Variants in PCDH9 observed in about 807,000 individuals in gnomAD.
The protein encoded by PCDH9 is protocadherin 9.
PCDH9 carries 24 observed loss-of-function variants against 70.6 expected under a neutral mutation model. The observed-to-expected ratio is 0.34, with a 90% CI of 0.25 to 0.48. The LOEUF is 0.48. PCDH9 is among the 20% of genes least tolerant of loss of function. The pLI is 0.99. For missense variants in PCDH9, 1,281 were observed against 1,503.6 expected, an observed-to-expected ratio of 0.85 and a Z score of 2.45; for synonymous variants, 562 against 558.5, an observed-to-expected ratio of 1.01 and a Z score of -0.09.
intron 3 of PCDH9, among the ~76,000 whole-genome samples, chr13:66,714,063 C>T (rs532517494): frequency 6.6e-6 from 1 of 151,970 alleles, no homozygotes; most frequent in Non-Finnish European, 1.5e-5. Context: ...AAGGCTATTG[C>T]AGGATACTAG....
chr13:67,164,615 A>G (rs550859648), intron 2 of PCDH9, among the ~76,000 whole-genome samples: 36 of 151,620 alleles, frequency 2.4e-4, no homozygotes, highest in African/African-American at 7.5e-4. Flanking sequence ...AGACTATAAC[A>G]TTTGACTCCA....
chr13:66,957,443 T>C (rs1368528804), intron 2 of PCDH9, among the ~76,000 whole-genome samples: 1 of 152,160 alleles, frequency 6.6e-6, no homozygotes, highest in Admixed American at 6.5e-5. Flanking sequence ...GAAGATGCAT[T>C]GGTGGGATGT....
intron 2 of PCDH9, among the ~76,000 whole-genome samples, chr13:67,007,005 G>A (rs1238491754): frequency 6.6e-6 from 1 of 152,092 alleles, no homozygotes; most frequent in African/African-American, 2.4e-5. Flanking sequence ...GTCCTCCAAT[G>A]TCAACATCCA....
At chr13:66,970,627 AAAAAAAAAAAAAAAAGC>A (rs2083504567) in intron 2 of PCDH9, among the ~76,000 whole-genome samples, 1 of 54,310 alleles carries the variant, frequency 1.8e-5, no homozygotes, top group African/African-American at 7.3e-5. Flanking sequence ...ACCCTGTCTG[AAAAAAAAAAAAAAAAGC>A]AAAAAAAAAA....
rs147180648 is a variant in PCDH9 at position 66,394,004 on chromosome 13, T to C, written c.3341-88976A>G. ...ATTATACTATGACTGACGGGAGAAA[T>C]AGAGGGTTGTGAAGCTGAGGAGGAA... is the stretch of plus-strand genomic sequence containing the variant. On this transcript the variant is annotated intron_variant, in intron 4 of 4. Transcript: ENST00000377865. Among the ~76,000 whole-genome samples, 366 of 152,234 alleles carry C rather than the reference T, an allele frequency of 2.4e-3. 2 individuals are homozygous for C. Among genetic ancestry groups the C allele is most frequent in the African/African-American group, 8.3e-3 (346 of 41,530 alleles).
chr13:67,100,086 T>C (rs2086401317), intron 2 of PCDH9, among the ~76,000 whole-genome samples: 1 of 152,192 alleles, frequency 6.6e-6, no homozygotes, highest in Non-Finnish European at 1.5e-5. Context: ...TCCTTGCTTC[T>C]GAAGTGGTTG....
At chr13:66,311,815 T>C (rs1450228764) in intron 4 of PCDH9, among the ~76,000 whole-genome samples, 1 of 152,196 alleles carries the variant, frequency 6.6e-6, no homozygotes, top group Non-Finnish European at 1.5e-5. Flanking sequence ...GCTCTTATTA[T>C]ACAGAAAACC....
intron 2 of PCDH9, among the ~76,000 whole-genome samples, chr13:67,026,735 T>G (rs1056265423): frequency 3.9e-5 from 6 of 151,952 alleles, no homozygotes; most frequent in Non-Finnish European, 7.4e-5. Flanking sequence ...ACAAAATCAA[T>G]GTACAAAAAT....
chr13:67,051,599 G>T (rs1174209739), intron 2 of PCDH9, among the ~76,000 whole-genome samples: 2 of 151,688 alleles, frequency 1.3e-5, no homozygotes, highest in Non-Finnish European at 2.9e-5. Flanking sequence ...TCACCATTTT[G>T]TCAGGCTGGT....
chr13:66,501,328 G>A lies in PCDH9; in HGVS notation c.3340+129882C>T, dbSNP rs149449378. On this transcript the variant is annotated intron_variant, in intron 4 of 4. Transcript: ENST00000377865. ...ATACCATTTCTCTATTAAGGATGAA[G>A]CAGTCTTAGACTCTACAGTATTTCA... Among the ~76,000 whole-genome samples the A allele has an allele frequency of 9.2e-5, 14 of 152,140 alleles. 1 individual carries two copies. The highest frequency in any genetic ancestry group is 1.3e-4 in the Non-Finnish European group (9 of 67,946).
At chr13:66,982,643 GA>G (rs2083799254) in intron 2 of PCDH9, among the ~76,000 whole-genome samples, 4 of 152,106 alleles carry the variant, frequency 2.6e-5, no homozygotes, top group Admixed American at 2.6e-4. Context: ...AAATGTCTTA[GA>G]TAATTTCTGC....
intron 3 of PCDH9, among the ~76,000 whole-genome samples, chr13:66,871,381 A>T (rs2081681067): frequency 6.6e-6 from 1 of 151,438 alleles, no homozygotes. Context: ...TAAAACTTAA[A>T]GTATAATAAT....
At chr13:66,328,151 T>A (rs1427290693) in intron 4 of PCDH9, among the ~76,000 whole-genome samples, 1 of 152,198 alleles carries the variant, frequency 6.6e-6, no homozygotes, top group Non-Finnish European at 1.5e-5. Flanking sequence ...TTTACTCTCA[T>A]CAAGGACAAA....
At chr13:66,677,728 A>G (rs911841056) in intron 3 of PCDH9, among the ~76,000 whole-genome samples, 3 of 152,068 alleles carry the variant, frequency 2.0e-5, no homozygotes, top group African/African-American at 7.2e-5. Context: ...CAGAGGCTTC[A>G]CCAAAAGTTA....
chr13:66,403,253 C>T (rs1157194178), intron 4 of PCDH9, among the ~76,000 whole-genome samples: 1 of 151,942 alleles, frequency 6.6e-6, no homozygotes, highest in Non-Finnish European at 1.5e-5. Context: ...AATCCTCCCA[C>T]CTTAGCCTCC....
At chr13:66,609,954 C>CTTTTT (rs11333407) in intron 4 of PCDH9, among the ~76,000 whole-genome samples, 7 of 117,120 alleles carry the variant, frequency 6.0e-5, no homozygotes, top group African/African-American at 9.2e-5. Context: ...GCATTTCCTT[C>CTTTTT]TTTTTTTTTT....
intron 3 of PCDH9, among the ~76,000 whole-genome samples, chr13:66,747,875 A>G (rs1431446588): frequency 6.6e-6 from 1 of 152,198 alleles, no homozygotes; most frequent in Non-Finnish European, 1.5e-5. Flanking sequence ...TCTAACCTCT[A>G]AAACTGCACT....
intron 3 of PCDH9, among the ~76,000 whole-genome samples, chr13:66,755,405 CAT>C (rs2079524697): frequency 1.3e-5 from 2 of 152,120 alleles, no homozygotes; most frequent in Non-Finnish European, 2.9e-5. Context: ...GTGTCCAGCA[CAT>C]GTCTGTTTCG....
In PCDH9 at chr13:67,155,595, C is replaced by G. The variant is rs184955877; in HGVS notation, c.3036+69810G>C. Among the ~76,000 whole-genome samples the G allele has an allele frequency of 2.5e-3, 382 of 152,038 alleles. 3 individuals are homozygous for G. The highest frequency in any genetic ancestry group is 4.5e-3 in the Admixed American group (68 of 15,270). On this transcript the variant is annotated intron_variant, in intron 2 of 4. Transcript: ENST00000377865. ...ATGACGTGATTTTTTAAAAGTTATC[C>G]TCTCTTCAAGTCTCAGGGGCATCCT...
Sources: gnomAD v4.1 joint callset for allele counts (sites outside exome capture counted in the v4.1 genomes callset) on GRCh38, gnomAD v4.1.1 for gene constraint, MANE v1.5 for transcripts, NCBI Gene and HGNC (gene_info 2026-07-23, HGNC 2026-07-21) for gene names.